Variants in USP42 observed in about 807,000 individuals in gnomAD.
The protein encoded by USP42 is ubiquitin carboxyl-terminal hydrolase 42.
Under a neutral mutation model 113.0 loss-of-function variants are expected in USP42, and 23 were observed. That is an observed-to-expected ratio of 0.20 (90% CI 0.15 to 0.29). The LOEUF (loss-of-function observed/expected upper bound fraction) is 0.29, where lower values mean the gene tolerates loss of function less well. USP42 is among the 10% of genes least tolerant of loss of function. The probability of loss-of-function intolerance (pLI) is 1.00; values close to 1 mark genes in which losing one functional copy is unlikely to be tolerated. For synonymous variants in USP42, 933 were observed against 699.0 expected, an observed-to-expected ratio of 1.33 and a Z score of -5.28; for missense variants, 2,174 against 1,779.8, an observed-to-expected ratio of 1.22 and a Z score of -3.99.
chr7:6,117,320 C>T (rs534098470), intron 3 of USP42, among the ~76,000 whole-genome samples: 20 of 152,196 alleles, frequency 1.3e-4, no homozygotes, highest in Admixed American at 5.9e-4. Flanking sequence ...CATATTATCT[C>T]GCTTCTTTCA....
At chr7:6,106,693 T>C (rs1365215061) in intron 1 of USP42, among the ~76,000 whole-genome samples, 1 of 151,730 alleles carries the variant, frequency 6.6e-6, no homozygotes, top group Non-Finnish European at 1.5e-5. Context: ...GCCTCCTAAG[T>C]AGGTAGGACT....
chr7:6,157,653 T>A lies in USP42; in HGVS notation c.3943+598T>A, dbSNP rs1782537249. Among the ~76,000 whole-genome samples, 1 of 152,178 alleles carries A rather than the reference T, an allele frequency of 6.6e-6. No homozygotes were observed. Among genetic ancestry groups the A allele is most frequent in the African/African-American group, 2.4e-5 (1 of 41,428 alleles). On this transcript the variant is annotated intron_variant, in intron 16 of 17. Transcript: ENST00000306177. The surrounding 1 kb of genome is among the most constrained non-coding windows in gnomAD (Gnocchi z 4.1). ...GGTTTTAAAGCATTTTTGATAGAAA[T>A]ACTTTTGCAGCGTATACGTTACTCT...
intron 4 of USP42, among the ~76,000 whole-genome samples, chr7:6,138,448 A>G (rs1445454979): frequency 6.6e-6 from 1 of 152,366 alleles, no homozygotes; most frequent in African/African-American, 2.4e-5. Context: ...CCAGCATAGC[A>G]TTTTGGACAA....
chr7:6,140,241 TA>T (rs747150685), intron 6 of USP42, 46 bp downstream of exon 6: 16 of 1,532,750 alleles, frequency 1.0e-5, no homozygotes, highest in Non-Finnish European at 1.2e-5. Context: ...CACATGTGGT[TA>T]AAAAATGGTA....
In USP42 at chr7:6,154,030, G is replaced by T; in HGVS notation, c.2476G>T (p.Gly826Cys). The change falls in exon 15 of 18, where the codon GGC (glycine) becomes TGC (cysteine). Residue 826 changes from glycine (G) to cysteine (C), a missense_variant. Transcript: ENST00000306177. ...PDLCDPGSLTGDASPLSQDAK... is the reference protein window; with the variant it reads ...PDLCDPGSLTCDASPLSQDAK... ...CCTGTGTGATCCCGGGAGCTTAACAGGCGATGCGAGCCCGTTGTCCCAGGA... is the reference window on the plus strand; with the variant it reads ...CCTGTGTGATCCCGGGAGCTTAACATGCGATGCGAGCCCGTTGTCCCAGGA... The T allele has an allele frequency of 6.2e-7, 1 of 1,604,908 alleles. No homozygotes were observed.
intron 8 of USP42, among the ~76,000 whole-genome samples, 176 bp from the exon 9 acceptor site, chr7:6,143,909 C>A (rs1206887584): frequency 6.6e-6 from 1 of 151,998 alleles, no homozygotes; most frequent in Non-Finnish European, 1.5e-5. Context: ...GCAGTTTCCC[C>A]CTGTATTTTT....
intron 1 of USP42, among the ~76,000 whole-genome samples, chr7:6,108,481 A>C (rs1779414374): frequency 6.6e-6 from 1 of 152,106 alleles, no homozygotes; most frequent in Non-Finnish European, 1.5e-5. Flanking sequence ...TTGTACTTTT[A>C]CAGTATCCTT....
rs781251225 is a variant in USP42, at chr7:6,154,156, G to A, written c.2602G>A (p.Glu868Lys). Reference protein sequence around the residue: ...APPARSEEPCEQPLLVHPSGD... With the variant: ...APPARSEEPCKQPLLVHPSGD... ...GCCTGCGCGGTCGGAGGAGCCCTGCGAGCAGCCACTCCTTGTTCACCCCAG... is the reference window on the plus strand; with the variant it reads ...GCCTGCGCGGTCGGAGGAGCCCTGCAAGCAGCCACTCCTTGTTCACCCCAG... Residue 868 changes from glutamate (E) to lysine (K), a missense_variant, in exon 15 of 18, where the codon GAG becomes AAG. Glu to Lys is a moderately conservative substitution (Grantham distance 56, BLOSUM62 1). Coordinates refer to ENST00000306177, the MANE Select transcript of USP42 (RefSeq NM_032172.3). The A allele has an allele frequency of 6.3e-7, 1 of 1,594,690 alleles. No individual in the cohort carries two copies. Among genetic ancestry groups the A allele is most frequent in the Non-Finnish European group, 8.5e-7 (1 of 1,171,534 alleles).
chr7:6,154,036 G>A lies in USP42; in HGVS notation c.2482G>A (p.Ala828Thr). The change falls in exon 15 of 18, where the codon GCG becomes ACG. Residue 828 changes from alanine (A) to threonine (T), a missense_variant. By Grantham distance (58) the Ala-to-Thr change is moderately conservative (BLOSUM62 0). Coordinates refer to ENST00000306177, the MANE Select transcript of USP42 (RefSeq NM_032172.3). ...TGATCCCGGGAGCTTAACAGGCGATGCGAGCCCGTTGTCCCAGGACGCAAA... is the reference window on the plus strand; with the variant it reads ...TGATCCCGGGAGCTTAACAGGCGATACGAGCCCGTTGTCCCAGGACGCAAA... ...LCDPGSLTGD[A>T]SPLSQDAKGM... 1 of 1,605,166 alleles carries A rather than the reference G, an allele frequency of 6.2e-7. No homozygotes were observed. Among genetic ancestry groups the A allele is most frequent in the Non-Finnish European group, 8.5e-7 (1 of 1,179,334 alleles).
intron 3 of USP42, among the ~76,000 whole-genome samples, chr7:6,123,422 G>C (rs1037402854): frequency 1.3e-5 from 2 of 152,120 alleles, no homozygotes; most frequent in African/African-American, 2.4e-5. Context: ...CCAGCACTTT[G>C]GGAGGCCAAG....
rs1364520290 is a variant in USP42, at chr7:6,153,849, G to C, written c.2295G>C (p.Ala765=). The change falls in exon 15 of 18, where the codon GCG becomes GCC. Residue 765 remains alanine (A), a synonymous_variant. Coordinates refer to ENST00000306177, the MANE Select transcript of USP42 (RefSeq NM_032172.3). ...PAAESLEEPD[A]AAGLSSTKKA... is the part of the protein sequence containing the mutation. ...CCGAATCCCTGGAGGAGCCAGATGC[G>C]GCCGCCGGCCTCAGCAGCACCAAGA... is the stretch of plus-strand genomic sequence containing the variant. The C allele has an allele frequency of 6.5e-7, 1 of 1,547,400 alleles. No homozygotes were observed. The highest frequency in any genetic ancestry group is 8.7e-7 in the Non-Finnish European group (1 of 1,146,474).
chr7:6,154,083 G>T lies in USP42; in HGVS notation c.2529G>T (p.Pro843=). ...CAAAGGGGATGATCGCGGAGGGCCC[G>T]CGGGACTCGGCGTTGGCGGAAGCCC... The part of the protein sequence containing the change: ...QDAKGMIAEG[P]RDSALAEAPE... Residue 843 remains proline, a synonymous_variant, in exon 15 of 18, where the codon CCG becomes CCT. Transcript: ENST00000306177. 1.9e-6 allele frequency: 3 copies of T among 1,605,582 alleles called. No homozygotes were observed. The highest frequency in any genetic ancestry group is 2.2e-5 in the East Asian group (1 of 44,854).
intron 2 of USP42, among the ~76,000 whole-genome samples, chr7:6,112,488 A>T (rs139544435): frequency 1.3e-5 from 2 of 152,268 alleles, no homozygotes; most frequent in Non-Finnish European, 1.5e-5. Flanking sequence ...CATGTAACAC[A>T]AATGTTACAT....
At position 6,160,807 on chromosome 7, in the gene USP42, C is replaced by CT. The variant is rs796342852; in HGVS notation, c.*290dup. On this transcript the variant is annotated 3_prime_UTR_variant, in exon 18 of 18. Coordinates refer to ENST00000306177, the MANE Select transcript of USP42 (RefSeq NM_032172.3). The stretch of plus-strand genomic sequence containing the variant: ...GAAATAATGCCCTGGAATAGAACAT[C>CT]TCAAATGCTGCTTAATTACAGACTC... 1 of 152,606 alleles carries CT rather than the reference C, an allele frequency of 6.6e-6. No individual in the cohort carries two copies. The highest frequency in any genetic ancestry group is 2.1e-4 in the South Asian group (1 of 4,830). The allele number at this position is 152,606 out of a possible 1,614,324, so 9.5% of individuals were successfully genotyped here. A position where few individuals can be genotyped will look rare whatever the true frequency, so the allele number is the denominator to read the frequency against.
intron 1 of USP42, among the ~76,000 whole-genome samples, chr7:6,105,706 G>T (rs376282709): frequency 6.6e-6 from 1 of 152,212 alleles, no homozygotes; most frequent in East Asian, 1.9e-4. Flanking sequence ...AAGCATGTGT[G>T]CCTCTCTAGC....
At chr7:6,085,717 C>T in the USP42 span, among the ~76,000 whole-genome samples, 14 of 149,782 alleles carry the variant, frequency 9.3e-5, no homozygotes, top group South Asian at 8.4e-4. Flanking sequence ...TGAGTTCAAG[C>T]GATTCTCCTG....
At chr7:6,124,514 T>C (rs1332419201) in intron 3 of USP42, among the ~76,000 whole-genome samples, 1 of 152,150 alleles carries the variant, frequency 6.6e-6, no homozygotes, top group African/African-American at 2.4e-5. Flanking sequence ...TCTGCCTGCC[T>C]CGGCCTCCCA....
At chr7:6,119,888 G>C (rs756951705) in intron 3 of USP42, among the ~76,000 whole-genome samples, 3 of 152,088 alleles carry the variant, frequency 2.0e-5, no homozygotes, top group Non-Finnish European at 2.9e-5. Context: ...TTTTTTTGTA[G>C]AGACAGTCTC....
chr7:6,150,376 G>A, intron 13 of USP42, 36 bp from the exon 14 acceptor site: 1 of 1,612,306 alleles, frequency 6.2e-7, no homozygotes, highest in Non-Finnish European at 8.5e-7. Context: ...CATGGAGCTG[G>A]CGACTGAAGC....
Sources: allele counts gnomAD v4.1 joint callset (sites outside exome capture counted in the v4.1 genomes callset), GRCh38; gene constraint gnomAD v4.1.1; non-coding constraint Gnocchi (gnomAD v3.1); transcripts MANE v1.5; gene names NCBI Gene and HGNC (gene_info 2026-07-23, HGNC 2026-07-21).